Variants in GLIPR1L1 observed in about 807,000 individuals in gnomAD.
The protein encoded by GLIPR1L1 is GLIPR1-like protein 1.
A neutral mutation model predicts 29.9 loss-of-function variants in GLIPR1L1; 26 were observed. The ratio of observed to expected loss-of-function variants is 0.87; its 90% CI spans 0.64 to 1.21. GLIPR1L1 has a LOEUF of 1.21. Among genes scored for constraint, GLIPR1L1 ranks in the 50% most tolerant of loss-of-function variants. GLIPR1L1 has a pLI of 0.00. For missense variants in GLIPR1L1, 305 were observed against 290.3 expected, an observed-to-expected ratio of 1.05 and a Z score of -0.37; for synonymous variants, 77 against 97.5, an observed-to-expected ratio of 0.79 and a Z score of 1.24.
intron 3 of GLIPR1L1, among the ~76,000 whole-genome samples, chr12:75,353,783 C>T (rs2042966064): frequency 1.3e-5 from 2 of 152,296 alleles, no homozygotes; most frequent in East Asian, 1.9e-4. Context: ...CATCAAAAAG[C>T]TTATCCATCA....
chr12:75,364,868 G>T (rs2043860932), intron 4 of GLIPR1L1: 1 of 152,052 alleles, frequency 6.6e-6, no homozygotes, highest in Non-Finnish European at 1.5e-5. Context: ...TACCCAGGAG[G>T]CTTTGTCATG....
At chr12:75,341,830 AC>A (rs1427058917) in intron 1 of GLIPR1L1, among the ~76,000 whole-genome samples, 7 of 146,416 alleles carry the variant, frequency 4.8e-5, no homozygotes, top group African/African-American at 1.8e-4. Flanking sequence ...GCTCACTGCA[AC>A]CTCCGCCTCC....
At chr12:75,364,353 C>A (rs1273275273) in intron 4 of GLIPR1L1, among the ~76,000 whole-genome samples, 1 of 152,218 alleles carries the variant, frequency 6.6e-6, no homozygotes, top group Non-Finnish European at 1.5e-5. Context: ...ACATTCTCCC[C>A]CTTCTGGCCA....
At position 75,350,364 on chromosome 12, in the gene GLIPR1L1, G is replaced by C. The variant is rs371520913; in HGVS notation, c.521+2642G>C. On this transcript the variant is annotated intron_variant, in intron 3 of 5. Coordinates refer to ENST00000378695, the MANE Select transcript of GLIPR1L1 (RefSeq NM_001304964.2). ...ACAAGGGAAATTCCTGCTTATTTAA[G>C]TGGGTCCTTTATCCTATTTCCCCTG... 2.9e-4 allele frequency among the ~76,000 whole-genome samples: 44 copies of C among 152,332 alleles called. No homozygotes were observed. In the South Asian group the frequency reaches 9.1e-3, roughly 32 times the overall value.
intron 1 of GLIPR1L1, among the ~76,000 whole-genome samples, chr12:75,337,798 TTTTA>T (rs2041839576): frequency 6.6e-6 from 1 of 152,146 alleles, no homozygotes; most frequent in African/African-American, 2.4e-5. Flanking sequence ...TTGCTTATTT[TTTTA>T]TTTCTTTGAT....
intron 1 of GLIPR1L1, among the ~76,000 whole-genome samples, chr12:75,339,738 T>TTAATCCA (rs1248100174): frequency 1.3e-5 from 2 of 152,328 alleles, no homozygotes; most frequent in East Asian, 3.9e-4. Flanking sequence ...ATTTAAGTCT[T>TTAATCCA]TAATCCATCT....
Position 75,366,807 on chromosome 12 carries a change from T to C in GLIPR1L1, c.611-3153T>C, listed in dbSNP as rs2043997168. 4 of 697,008 alleles carry C rather than the reference T, an allele frequency of 5.7e-6. No homozygotes were observed. The Admixed American group carries it at 6.0e-5, about 10-fold the overall frequency. 43.2% of individuals were successfully genotyped at this position (697,008 alleles called of 1,614,324 possible). A position where few individuals can be genotyped will look rare whatever the true frequency, so the allele number is the denominator to read the frequency against. ...TCTCTCTTCAGAGGTCTATCACCTC[T>C]GAGAGGGCTAAAAATGCCAAGTGAA... On this transcript the variant is annotated intron_variant, in intron 4 of 5. Transcript: ENST00000378695.
chr12:75,343,254 T>G (rs1485705776), intron 1 of GLIPR1L1, among the ~76,000 whole-genome samples: 1 of 152,104 alleles, frequency 6.6e-6, no homozygotes, highest in Non-Finnish European at 1.5e-5. Context: ...GATAAGATTT[T>G]TGTCTGTTTG....
At chr12:75,335,690 G>A in intron 1 of GLIPR1L1, among the ~76,000 whole-genome samples, 1 of 152,042 alleles carries the variant, frequency 6.6e-6, no homozygotes, top group African/African-American at 2.4e-5. Context: ...CTAGTCTACT[G>A]TATAAGAAAA....
chr12:75,337,822 T>C (rs1228520374), intron 1 of GLIPR1L1, among the ~76,000 whole-genome samples: 1 of 152,024 alleles, frequency 6.6e-6, no homozygotes, highest in African/African-American at 2.4e-5. Flanking sequence ...TTTCTATTAT[T>C]ATTTTTCGAC....
chr12:75,355,622 C>T (rs899640031), intron 3 of GLIPR1L1, among the ~76,000 whole-genome samples: 10 of 152,062 alleles, frequency 6.6e-5, no homozygotes, highest in East Asian at 3.9e-4. Flanking sequence ...GCAATCCCAT[C>T]GCTAGGTATA....
chr12:75,370,534 C>G lies in GLIPR1L1; in HGVS notation c.*358C>G, dbSNP rs543632790. On this transcript the variant is annotated 3_prime_UTR_variant, in exon 6 of 6. Transcript: ENST00000378695. ...ATACCAATAGTTTCCTTTATGAATA[C>G]CATCAACATCATTCAGAAACAAAAT... The G allele has an allele frequency of 6.2e-6, 1 of 160,094 alleles. No homozygotes were observed. Among genetic ancestry groups the G allele is most frequent in the South Asian group, 1.9e-4 (1 of 5,306 alleles). The allele number at this position is 160,094 out of a possible 1,614,324, so 9.9% of individuals were successfully genotyped here.
At chr12:75,355,934 C>T (rs1048501125) in intron 3 of GLIPR1L1, among the ~76,000 whole-genome samples, 1 of 152,080 alleles carries the variant, frequency 6.6e-6, no homozygotes, top group Non-Finnish European at 1.5e-5. Flanking sequence ...ACAATGGGAA[C>T]GCTTGGCCAC....
Position 75,334,838 on chromosome 12 carries a change from G to T in GLIPR1L1, c.110G>T (p.Cys37Phe). The T allele has an allele frequency of 1.2e-6, 2 of 1,614,102 alleles. No homozygotes were observed. Among genetic ancestry groups the T allele is most frequent in the South Asian group, 2.2e-5 (2 of 91,076 alleles). Reference protein sequence around the residue: ...SITDPHFIDNCIEAHNEWRGK... With the variant: ...SITDPHFIDNFIEAHNEWRGK... Reference sequence around the variant, plus strand: ...ACTGACCCACACTTTATAGACAACTGCATAGAAGCCCACAACGAATGGCGT... The same window carrying T: ...ACTGACCCACACTTTATAGACAACTTCATAGAAGCCCACAACGAATGGCGT... The change falls in exon 1 of 6, where the codon TGC becomes TTC. Residue 37 changes from cysteine (C) to phenylalanine (F), a missense_variant. Transcript: ENST00000378695.
intron 3 of GLIPR1L1, among the ~76,000 whole-genome samples, chr12:75,357,495 T>C (rs1953979822): frequency 6.6e-6 from 1 of 152,006 alleles, no homozygotes; most frequent in South Asian, 2.1e-4. Context: ...AGTTGAACAC[T>C]CTCAAGCAAC....
In GLIPR1L1 at chr12:75,341,747, CTTTTTT is replaced by C. The variant is rs1185408752; in HGVS notation, c.175-1927_175-1922del. Among the ~76,000 whole-genome samples the C allele has an allele frequency of 4.8e-5, 4 of 83,418 alleles. No homozygotes were observed. In the East Asian group the frequency reaches 1.0e-3, roughly 21 times the overall value. The allele number at this position is 83,418 out of a possible 152,430, so 54.7% of individuals were successfully genotyped here. On this transcript the variant is annotated intron_variant, in intron 1 of 5. Transcript: ENST00000378695. ...AGGCGTGAGCCACCGCGCCCGGCCT[CTTTTTT>C]TTTTTTTTTTTTTTTTTTGAGATGG...
At chr12:75,360,456 G>C (rs1051224742) in intron 3 of GLIPR1L1, 5 of 152,126 alleles carry the variant, frequency 3.3e-5, no homozygotes, top group Non-Finnish European at 7.3e-5. Context: ...TTCCAAATGA[G>C]AGAAATTGGC....
chr12:75,339,234 TC>T (rs1483787054), intron 1 of GLIPR1L1, among the ~76,000 whole-genome samples: 1 of 152,184 alleles, frequency 6.6e-6, no homozygotes, highest in African/African-American at 2.4e-5. Flanking sequence ...GTAAAAATGT[TC>T]CTTTTTTTCC....
At chr12:75,341,340 A>G (rs2042090478) in intron 1 of GLIPR1L1, among the ~76,000 whole-genome samples, 1 of 152,224 alleles carries the variant, frequency 6.6e-6, no homozygotes, top group Non-Finnish European at 1.5e-5. Flanking sequence ...AACTATCAAC[A>G]CATGTAACAT....
Sources: gnomAD v4.1 joint callset for allele counts (sites outside exome capture counted in the v4.1 genomes callset) on GRCh38, gnomAD v4.1.1 for gene constraint, MANE v1.5 for transcripts, NCBI Gene and HGNC (gene_info 2026-07-23, HGNC 2026-07-21) for gene names.